The following SDCCAG8 variants were observed in gnomAD, a reference collection of about 807,000 sequenced individuals.
SDCCAG8 encodes serologically defined colon cancer antigen 8.
SDCCAG8 carries 74 observed loss-of-function variants against 101.8 expected under a neutral mutation model. That is an observed-to-expected ratio of 0.73 (90% CI 0.60 to 0.88). The LOEUF is 0.88. SDCCAG8 is among the 40% of genes least tolerant of loss of function. The probability of loss-of-function intolerance (pLI) is 0.00; values close to 1 mark genes in which losing one functional copy is unlikely to be tolerated. For missense variants in SDCCAG8, 787 were observed against 822.6 expected (o/e 0.96, Z 0.53); for synonymous variants, 281 against 292.9 (o/e 0.96, Z 0.41).
chr1:243,362,386 T>C (rs2076769771), intron 12 of SDCCAG8, among the ~76,000 whole-genome samples: 1 of 152,094 alleles, frequency 6.6e-6, no homozygotes, highest in Non-Finnish European at 1.5e-5. Flanking sequence ...AGTAACTGGA[T>C]GGATAGGTAG....
chr1:243,320,896 C>G (rs1238184520), intron 9 of SDCCAG8, among the ~76,000 whole-genome samples: 2 of 152,148 alleles, frequency 1.3e-5, no homozygotes, highest in Admixed American at 1.3e-4. Context: ...ATTACTTTAG[C>G]CTTACTTATC....
At chr1:243,409,096 C>T (rs2079987267) in intron 13 of SDCCAG8, among the ~76,000 whole-genome samples, 1 of 152,062 alleles carries the variant, frequency 6.6e-6, no homozygotes, top group Admixed American at 6.6e-5. Flanking sequence ...CAAAAAGTAC[C>T]TATACATTTG....
chr1:243,334,679 C>G (rs1166188253), intron 10 of SDCCAG8, among the ~76,000 whole-genome samples: 3 of 152,154 alleles, frequency 2.0e-5, no homozygotes, highest in Admixed American at 2.0e-4. Flanking sequence ...TAGCCTCGAC[C>G]ACTTGAGCTC....
At chr1:243,487,664 C>A (rs1413022287) in intron 16 of SDCCAG8, among the ~76,000 whole-genome samples, 3 of 152,156 alleles carry the variant, frequency 2.0e-5, no homozygotes, top group Non-Finnish European at 4.4e-5. Flanking sequence ...CAGCAGGAGG[C>A]CCTTGTCGGG....
At chr1:243,326,485 G>A (rs1350249004) in intron 9 of SDCCAG8, among the ~76,000 whole-genome samples, 2 of 152,102 alleles carry the variant, frequency 1.3e-5, no homozygotes, top group Admixed American at 6.6e-5. Context: ...AGAAAATAAC[G>A]CTTCTTGATT....
rs192530499 is a variant in SDCCAG8 at position 243,312,628 on chromosome 1, C to G, written c.930-4127C>G. ...GGCTGAGGCAGGAGAATTGCTTGAA[C>G]CTGGGAGGCGGAGGTTGCAGTGAGC... is the stretch of plus-strand genomic sequence containing the variant. On this transcript the variant is annotated intron_variant, in intron 8 of 17. Transcript: ENST00000366541. 1.6e-3 allele frequency among the ~76,000 whole-genome samples: 236 copies of G among 151,882 alleles called. 3 individuals carry two copies. Among genetic ancestry groups the G allele is most frequent in the African/African-American group, 5.4e-3 (222 of 41,400 alleles).
chr1:243,296,833 C>T (rs1027059030), intron 6 of SDCCAG8, among the ~76,000 whole-genome samples: 2 of 152,108 alleles, frequency 1.3e-5, no homozygotes, highest in Non-Finnish European at 2.9e-5. Context: ...GCGCCCGGCC[C>T]CAACTGCTCT....
chr1:243,377,829 T>TA (rs2077685785), intron 12 of SDCCAG8, among the ~76,000 whole-genome samples: 1 of 9,272 alleles, frequency 1.1e-4, no homozygotes. Context: ...TTCTGCCCTT[T>TA]CTTTTTTTTT....
At chr1:243,323,224 T>C (rs1223622041) in intron 9 of SDCCAG8, among the ~76,000 whole-genome samples, 1 of 152,060 alleles carries the variant, frequency 6.6e-6, no homozygotes, top group African/African-American at 2.4e-5. Flanking sequence ...AATTCTTTTC[T>C]CTGCAGTTGA....
chr1:243,323,534 C>T (rs747198923), intron 9 of SDCCAG8, among the ~76,000 whole-genome samples: 23 of 152,150 alleles, frequency 1.5e-4, no homozygotes, highest in Non-Finnish European at 2.8e-4. Flanking sequence ...TTTTCCCCCT[C>T]ATCCTGCCCA....
intron 13 of SDCCAG8, among the ~76,000 whole-genome samples, chr1:243,404,159 A>G (rs1190180783): frequency 4.6e-5 from 7 of 152,224 alleles, no homozygotes; most frequent in Non-Finnish European, 1.0e-4. Context: ...TTTTAGGGGT[A>G]TTTTAGGATT....
intron 16 of SDCCAG8, among the ~76,000 whole-genome samples, chr1:243,426,900 T>C (rs1417642697): frequency 6.6e-6 from 1 of 152,226 alleles, no homozygotes; most frequent in Non-Finnish European, 1.5e-5. Context: ...TTAGATTTTA[T>C]ATGCTTTTTG....
chr1:243,435,465 A>G lies in SDCCAG8; in HGVS notation c.1985+8907A>G, dbSNP rs79243625. 7.1e-3 allele frequency among the ~76,000 whole-genome samples: 1,079 copies of G among 152,248 alleles called. 14 individuals are homozygous for G. Among genetic ancestry groups the G allele is most frequent in the African/African-American group, 0.025 (1,035 of 41,532 alleles). The stretch of plus-strand genomic sequence containing the variant: ...TTCATTCATATCCTTCATTCAACAT[A>G]TTTATTAGGCCCTTAATACATGCTG... On this transcript the variant is annotated intron_variant, in intron 16 of 17. Coordinates refer to ENST00000366541, the MANE Select transcript of SDCCAG8 (RefSeq NM_006642.5).
At chr1:243,269,419 A>C (rs992104490) in intron 1 of SDCCAG8, among the ~76,000 whole-genome samples, 5 of 151,388 alleles carry the variant, frequency 3.3e-5, no homozygotes, top group Non-Finnish European at 7.4e-5. Flanking sequence ...GAACTATCAC[A>C]GTAATATACC....
intron 16 of SDCCAG8, among the ~76,000 whole-genome samples, chr1:243,459,874 A>G (rs1358124121): frequency 6.6e-6 from 1 of 152,114 alleles, no homozygotes; most frequent in Admixed American, 6.5e-5. Context: ...AGAAGCTAGT[A>G]AGTTTCTAAT....
intron 16 of SDCCAG8, among the ~76,000 whole-genome samples, chr1:243,478,470 C>T (rs1662844557): frequency 1.3e-5 from 2 of 152,180 alleles, no homozygotes; most frequent in Non-Finnish European, 2.9e-5. Flanking sequence ...CCCCAAGGAG[C>T]CCCCTGTTCT....
At chr1:243,297,668 G>T (rs2149304273) in intron 6 of SDCCAG8, among the ~76,000 whole-genome samples, 1 of 152,220 alleles carries the variant, frequency 6.6e-6, no homozygotes, top group South Asian at 2.1e-4. Flanking sequence ...ATTTTCATTT[G>T]CATTTCCCTA....
intron 13 of SDCCAG8, among the ~76,000 whole-genome samples, chr1:243,386,528 C>A (rs183572062): frequency 6.6e-6 from 1 of 152,008 alleles, no homozygotes. Flanking sequence ...CCGAGACAGG[C>A]GGATCACGAG....
chr1:243,307,822 C>T (rs956324667), intron 7 of SDCCAG8, 167 bp from the exon 8 acceptor site: 19 of 1,466,250 alleles, frequency 1.3e-5, no homozygotes, highest in Admixed American at 1.0e-4. Context: ...AGAATCACCA[C>T]ACCAAAGTTT....
Sources: gnomAD v4.1 joint callset for allele counts (sites outside exome capture counted in the v4.1 genomes callset) on GRCh38, gnomAD v4.1.1 for gene constraint, MANE v1.5 for transcripts, NCBI Gene and HGNC (gene_info 2026-07-23, HGNC 2026-07-21) for gene names.